PRR5: variants seen among roughly 807,000 people sequenced by gnomAD.
PRR5 encodes the protein proline rich 5.
PRR5 carries 25 observed loss-of-function variants against 30.6 expected under a neutral mutation model. The observed-to-expected ratio is 0.82, with a 90% CI of 0.60 to 1.14. PRR5 has a LOEUF of 1.14. Ranked by LOEUF, PRR5 falls within the 50% of genes most tolerant of loss-of-function variation. The pLI is 0.00. For missense variants in PRR5, 600 were observed against 547.1 expected (o/e 1.10, Z -0.96); for synonymous variants, 286 against 247.1 (o/e 1.16, Z -1.48).
chr22:44,714,659 A>G lies in PRR5; in HGVS notation c.203A>G (p.Asn68Ser). The G allele has an allele frequency of 6.2e-7, 1 of 1,613,856 alleles. No individual in the cohort carries two copies. The highest frequency in any genetic ancestry group is 2.2e-5 in the East Asian group (1 of 44,866). The change falls in exon 2 of 8, where the codon AAC (asparagine) becomes AGC (serine). Residue 68 changes from asparagine (N) to serine (S), a missense_variant. Coordinates refer to ENST00000336985, the MANE Select transcript of PRR5 (RefSeq NM_181333.4). ...CCCGACCAGGAGCTCTTCAGCCTCA[A>G]CGAGGGCGTCCGGTGAGTGCCTGTC... ...GLPDQELFSL[N>S]EGVRQLLKTE...
chr22:44,732,320 C>A lies in PRR5; in HGVS notation c.484C>A (p.Leu162Ile). The A allele has an allele frequency of 6.2e-7, 1 of 1,612,390 alleles. No homozygotes were observed. The highest frequency in any genetic ancestry group is 8.5e-7 in the Non-Finnish European group (1 of 1,179,962). The change falls in exon 6 of 8, where the codon CTA (leucine) becomes ATA (isoleucine). Residue 162 changes from leucine to isoleucine, a missense_variant. Leu to Ile is a conservative substitution (Grantham distance 5). Transcript: ENST00000336985. Reference protein sequence around the residue: ...FRNAITLSVKLEDALARAHAR... With the variant: ...FRNAITLSVKIEDALARAHAR... ...GAATGCCATCACCCTCAGTGTGAAGCTAGAGGATGCGCTGGCCCGGGCCCA... is the reference window on the plus strand; with the variant it reads ...GAATGCCATCACCCTCAGTGTGAAGATAGAGGATGCGCTGGCCCGGGCCCA...
chr22:44,675,352 C>G (rs1923676593), upstream of PRR5, among the ~76,000 whole-genome samples: 1 of 152,182 alleles, frequency 6.6e-6, no homozygotes, highest in Non-Finnish European at 1.5e-5. Context: ...CTTGGCCTCC[C>G]AAAGTGCTGG....
At chr22:44,736,138 T>C (rs1250273495) in intron 7 of PRR5, among the ~76,000 whole-genome samples, 1 of 152,100 alleles carries the variant, frequency 6.6e-6, no homozygotes, top group African/African-American at 2.4e-5. Flanking sequence ...CCAAGGGGCC[T>C]CCTCCCTGGG....
intron 2 of PRR5, among the ~76,000 whole-genome samples, chr22:44,721,659 T>G (rs1929951989): frequency 6.6e-6 from 1 of 152,158 alleles, no homozygotes; most frequent in South Asian, 2.1e-4. Context: ...CAGTGTGAAT[T>G]GGCCTTAGAT....
At chr22:44,707,196 C>A (rs1189540459) in intron 1 of PRR5, among the ~76,000 whole-genome samples, 1 of 152,212 alleles carries the variant, frequency 6.6e-6, no homozygotes, top group Non-Finnish European at 1.5e-5. Context: ...CCCCTGTGCC[C>A]CTATGGGGCT....
upstream of PRR5, among the ~76,000 whole-genome samples, chr22:44,699,829 C>T (rs1189813938): frequency 1.3e-5 from 2 of 152,214 alleles, no homozygotes; most frequent in Admixed American, 6.5e-5. Flanking sequence ...CTCAAAGGCC[C>T]CTCCGAGGAG....
chr22:44,692,183 C>A (rs1402888711), intron 1 of PRR5, among the ~76,000 whole-genome samples: 4 of 151,472 alleles, frequency 2.6e-5, no homozygotes, highest in Non-Finnish European at 4.4e-5. Context: ...GGGGCTCCTC[C>A]ACCCGGGGCT....
chr22:44,726,302 C>T (rs1392092470), intron 3 of PRR5, among the ~76,000 whole-genome samples: 1 of 152,250 alleles, frequency 6.6e-6, no homozygotes, highest in Non-Finnish European at 1.5e-5. Context: ...GCCTGCCCAG[C>T]TGAGCCCAGT....
intron 4 of PRR5, chr22:44,731,484 G>A (rs914719928): frequency 9.9e-5 from 56 of 565,566 alleles, no homozygotes; most frequent in Non-Finnish European, 1.7e-4. Context: ...CTCATTTCAT[G>A]CCCTCAGCTC....
Position 44,731,837 on chromosome 22 carries a change from C to G in PRR5, c.414+16C>G, listed in dbSNP as rs956194593. The G allele has an allele frequency of 6.2e-7, 1 of 1,610,106 alleles. No homozygotes were observed. Among genetic ancestry groups the G allele is most frequent in the East Asian group, 2.2e-5 (1 of 44,736 alleles). On this transcript the variant is annotated intron_variant, in intron 5 of 7. Coordinates refer to ENST00000336985, the MANE Select transcript of PRR5 (RefSeq NM_181333.4). The stretch of plus-strand genomic sequence containing the variant: ...CCCGGTGCAGGTGGGCAGCCCAGCC[C>G]TGGGGAGGGAAGCCCAGTGCCCCTG...
At chr22:44,695,463 A>G (rs770560019) in intron 1 of PRR5, among the ~76,000 whole-genome samples, 8 of 152,170 alleles carry the variant, frequency 5.3e-5, no homozygotes, top group Admixed American at 1.3e-4. Context: ...TGTGATTGCT[A>G]TGGCCTTTGT....
intron 1 of PRR5, among the ~76,000 whole-genome samples, chr22:44,704,083 C>T (rs945605659): frequency 6.6e-6 from 1 of 152,234 alleles, no homozygotes; most frequent in Admixed American, 6.5e-5. Context: ...ACAGTGCCCA[C>T]CTCATGGGGC....
Position 44,736,845 on chromosome 22 carries a change from C to T in PRR5, c.765C>T (p.Tyr255=), listed in dbSNP as rs192702673. 1.3e-4 allele frequency: 213 copies of T among 1,603,738 alleles called. No homozygotes were observed. The East Asian group carries it at 4.5e-3, about 34-fold the overall frequency. ...AKNPVVRSKS[Y]NTPLLNPVQE... is the part of the protein sequence containing the mutation. ...ACCCTGTGGTGCGCTCCAAGAGCTA[C>T]AACACGCCTCTGCTGAACCCCGTGC... The change falls in exon 8 of 8, where the codon TAC becomes TAT. Residue 255 remains tyrosine (Y), a synonymous_variant. Coordinates refer to ENST00000336985, the MANE Select transcript of PRR5 (RefSeq NM_181333.4).
rs1056155193 is a variant in PRR5 at position 44,691,988 on chromosome 22, T to A, written c.-10-10504T>A. On this transcript the variant is annotated intron_variant, in intron 1 of 8. Transcript: ENST00000006251. The surrounding 1 kb of genome is among the most constrained non-coding windows in gnomAD (Gnocchi z 4.4). The stretch of plus-strand genomic sequence containing the variant: ...TGCCATCAGGAACGCGGGCCAAGTT[T>A]TGATGGGCTGTTTCCTGCCTCCCTA... Among the ~76,000 whole-genome samples the A allele has an allele frequency of 2.0e-5, 3 of 152,090 alleles. No homozygotes were observed. The highest frequency in any genetic ancestry group is 7.2e-5 in the African/African-American group (3 of 41,408).
At chr22:44,730,137 A>T (rs1921676545) in intron 4 of PRR5, 15 of 984,816 alleles carry the variant, frequency 1.5e-5, no homozygotes, top group Non-Finnish European at 1.6e-5. Flanking sequence ...GTGCCCTCGA[A>T]CCTACATGAA....
intron 1 of PRR5, among the ~76,000 whole-genome samples, chr22:44,677,457 T>A (rs1327128764): frequency 6.6e-6 from 1 of 152,212 alleles, no homozygotes; most frequent in Non-Finnish European, 1.5e-5. Flanking sequence ...TGTGACACAG[T>A]GCTGTGACTT....
intron 1 of PRR5, among the ~76,000 whole-genome samples, chr22:44,684,040 G>T (rs1045746173): frequency 6.6e-6 from 1 of 152,200 alleles, no homozygotes; most frequent in Non-Finnish European, 1.5e-5. Flanking sequence ...GGGTGGGGGT[G>T]TCGAAACCAG....
At chr22:44,668,947 T>TAGGTGCGCGCGCGCGCGA (rs1923254549) in intron 1 of PRR5, 1 of 148,352 alleles carries the variant, frequency 6.7e-6, no homozygotes, top group Non-Finnish European at 1.5e-5. Flanking sequence ...TGTGCGCGCG[T>TAGGTGCGCGCGCGCGCGA]AGGTGCGCGC....
intron 4 of PRR5, chr22:44,731,473 G>A (rs1294474091): frequency 7.2e-6 from 4 of 555,282 alleles, no homozygotes; most frequent in Non-Finnish European, 9.7e-6. Context: ...TGTGCCTTAG[G>A]CTCATTTCAT....
Sources: gnomAD v4.1 joint callset for allele counts (sites outside exome capture counted in the v4.1 genomes callset) on GRCh38, gnomAD v4.1.1 for gene constraint, Gnocchi (gnomAD v3.1) non-coding constraint, MANE v1.5 for transcripts, NCBI Gene and HGNC (gene_info 2026-07-23, HGNC 2026-07-21) for gene names.